The following MCC variants were observed in gnomAD, a reference collection of about 807,000 sequenced individuals.
MCC encodes colorectal mutant cancer protein.
MCC carries 90 observed loss-of-function variants against 116.2 expected under a neutral mutation model. That is an observed-to-expected ratio of 0.77 (90% confidence interval 0.65 to 0.92). The LOEUF (loss-of-function observed/expected upper bound fraction) is 0.92, where lower values mean the gene tolerates loss of function less well. MCC is among the 40% of genes least tolerant of loss of function. MCC has a pLI of 0.00. For synonymous variants in MCC, 578 were observed against 510.5 expected, an observed-to-expected ratio of 1.13 and a Z score of -1.78; for missense variants, 1,516 against 1,312.2, an observed-to-expected ratio of 1.16 and a Z score of -2.40.
At chr5:113,124,878 G>C (rs1456224020) in intron 5 of MCC, among the ~76,000 whole-genome samples, 1 of 152,228 alleles carries the variant, frequency 6.6e-6, no homozygotes, top group Non-Finnish European at 1.5e-5. Flanking sequence ...GGATGCTGTG[G>C]GTGAACACTG....
chr5:113,127,025 A>G (rs754484039), intron 5 of MCC, among the ~76,000 whole-genome samples: 2 of 152,100 alleles, frequency 1.3e-5, no homozygotes, highest in Non-Finnish European at 2.9e-5. Flanking sequence ...TCCTCCCACC[A>G]TCCACCCGCA....
chr5:113,457,353 T>C (rs1002164749), intron 1 of MCC, among the ~76,000 whole-genome samples: 1 of 152,242 alleles, frequency 6.6e-6, no homozygotes, highest in African/African-American at 2.4e-5. Context: ...CTGCTCTGGA[T>C]TTCTCGCCGG....
chr5:113,384,809 G>A (rs964318713), intron 2 of MCC, among the ~76,000 whole-genome samples, 159 bp downstream of exon 2: 2 of 152,286 alleles, frequency 1.3e-5, no homozygotes, highest in South Asian at 4.1e-4. Flanking sequence ...CAGAACTGGG[G>A]GAAACAGTGA....
intron 1 of MCC, among the ~76,000 whole-genome samples, chr5:113,439,861 T>G (rs1770982170): frequency 6.6e-6 from 1 of 152,202 alleles, no homozygotes; most frequent in Admixed American, 6.5e-5. Flanking sequence ...CTATTATTAA[T>G]GGTCATTTTA....
chr5:113,181,180 T>C (rs574772361), intron 3 of MCC, among the ~76,000 whole-genome samples: 21 of 152,328 alleles, frequency 1.4e-4, no homozygotes, highest in Admixed American at 7.2e-4. Context: ...TGGGAAGCTT[T>C]GATTTTCAAA....
chr5:113,038,669 G>T (rs759655200), intron 17 of MCC, among the ~76,000 whole-genome samples: 2 of 152,110 alleles, frequency 1.3e-5, no homozygotes, highest in Non-Finnish European at 2.9e-5. Flanking sequence ...AGAAGAGGAA[G>T]AGCAGTCTCA....
chr5:113,143,152 T>G, intron 5 of MCC, 66 bp downstream of exon 5: 1 of 1,499,792 alleles, frequency 6.7e-7, no homozygotes, highest in Non-Finnish European at 8.9e-7. Context: ...TAGTTGGGGC[T>G]ACTTCAGCTC....
chr5:113,084,624 A>G (rs1015811159), intron 9 of MCC, among the ~76,000 whole-genome samples: 5 of 122,864 alleles, frequency 4.1e-5, no homozygotes, highest in Non-Finnish European at 1.6e-5. Flanking sequence ...TAGCAGAGCT[A>G]CCAGGCAAGC....
intron 1 of MCC, among the ~76,000 whole-genome samples, chr5:113,444,706 T>C (rs1406702012): frequency 6.6e-6 from 1 of 152,208 alleles, no homozygotes; most frequent in Non-Finnish European, 1.5e-5. Context: ...TTTATGCTAA[T>C]AGAAAAGGCT....
At chr5:113,307,370 G>C (rs1217447628) in intron 3 of MCC, among the ~76,000 whole-genome samples, 1 of 152,076 alleles carries the variant, frequency 6.6e-6, no homozygotes, top group East Asian at 1.9e-4. Context: ...TACTTCTCTT[G>C]TTAAATTTAT....
chr5:113,321,055 T>C (rs1767411937), intron 3 of MCC, among the ~76,000 whole-genome samples: 1 of 152,234 alleles, frequency 6.6e-6, no homozygotes, highest in Non-Finnish European at 1.5e-5. Flanking sequence ...TACACACTTG[T>C]GGTTCAGTAA....
chr5:113,087,741 G>A (rs1755302981), intron 8 of MCC, among the ~76,000 whole-genome samples: 1 of 149,318 alleles, frequency 6.7e-6, no homozygotes, highest in Non-Finnish European at 1.5e-5. Flanking sequence ...TCAGTGGTCT[G>A]TTCTTAGAAT....
chr5:113,258,000 G>A (rs1482556098), intron 3 of MCC, among the ~76,000 whole-genome samples: 2 of 152,142 alleles, frequency 1.3e-5, no homozygotes, highest in African/African-American at 4.8e-5. Flanking sequence ...CATAAAGCAG[G>A]AGGCCAGAGC....
chr5:113,252,938 C>T (rs1026293028), intron 3 of MCC, among the ~76,000 whole-genome samples: 10 of 152,246 alleles, frequency 6.6e-5, no homozygotes, highest in Non-Finnish European at 1.5e-4. Context: ...AACTGGCGAA[C>T]ATGGAGAGTG....
rs545310115 is a variant in MCC, at chr5:113,123,985, G to A, written c.885-1159C>T. Among the ~76,000 whole-genome samples the A allele has an allele frequency of 2.5e-3, 378 of 152,294 alleles. 4 individuals are homozygous for A. The highest frequency in any genetic ancestry group is 8.4e-3 in the African/African-American group (349 of 41,548). On this transcript the variant is annotated intron_variant, in intron 5 of 18. Transcript: ENST00000408903. ...CATTAGGGTTTAGGGAGGCAAGCGG[G>A]AGACACATCTATAAATCAGAGAAAT...
At chr5:113,063,438 A>C (rs1055620546) in intron 14 of MCC, among the ~76,000 whole-genome samples, 11 of 152,226 alleles carry the variant, frequency 7.2e-5, no homozygotes, top group African/African-American at 2.7e-4. Flanking sequence ...TTCATGACTG[A>C]GTGCCTGTAA....
intron 3 of MCC, among the ~76,000 whole-genome samples, chr5:113,151,641 G>T (rs1759884143): frequency 6.6e-6 from 1 of 152,136 alleles, no homozygotes; most frequent in African/African-American, 2.4e-5. Context: ...TTATGTGTGG[G>T]ACATGGGACC....
intron 3 of MCC, among the ~76,000 whole-genome samples, chr5:113,331,632 T>A (rs1767698874): frequency 1.3e-5 from 2 of 150,992 alleles, no homozygotes; most frequent in African/African-American, 4.9e-5. Context: ...TGTTTTGTTT[T>A]GTTTTGTTTT....
At chr5:113,133,595 A>G (rs571469110) in intron 5 of MCC, among the ~76,000 whole-genome samples, 1 of 152,312 alleles carries the variant, frequency 6.6e-6, no homozygotes, top group South Asian at 2.1e-4. Flanking sequence ...AAGAGAATGC[A>G]GGTATCTCTT....
Sources: gnomAD v4.1 joint callset for allele counts (sites outside exome capture counted in the v4.1 genomes callset) on GRCh38, gnomAD v4.1.1 for gene constraint, MANE v1.5 for transcripts, NCBI Gene and HGNC (gene_info 2026-07-23, HGNC 2026-07-21) for gene names.